Variants in ITM2B observed in about 807,000 individuals in gnomAD.
ITM2B encodes integral membrane protein 2B, also known as ABri/ADan amyloid peptide.
ITM2B carries 11 observed loss-of-function variants against 27.8 expected under a neutral mutation model. The ratio of observed to expected loss-of-function variants is 0.40; its 90% CI spans 0.25 to 0.66. The LOEUF (loss-of-function observed/expected upper bound fraction) is 0.66. Ranked by LOEUF, ITM2B falls within the 30% of genes least tolerant of loss-of-function variation. ITM2B has a pLI of 0.43. For missense variants in ITM2B, 296 were observed against 328.9 expected, an observed-to-expected ratio of 0.90 and a Z score of 0.77; for synonymous variants, 114 against 114.3, an observed-to-expected ratio of 1.00 and a Z score of 0.02.
intron 1 of ITM2B, among the ~76,000 whole-genome samples, chr13:48,250,193 T>C (rs1951746478): frequency 6.6e-6 from 1 of 152,346 alleles, no homozygotes; most frequent in Non-Finnish European, 1.5e-5. Context: ...AGGCTACTGC[T>C]CTTGCTAAAT....
intron 1 of ITM2B, among the ~76,000 whole-genome samples, chr13:48,238,906 C>T (rs1161841832): frequency 6.6e-6 from 1 of 152,036 alleles, no homozygotes; most frequent in Non-Finnish European, 1.5e-5. Flanking sequence ...AGTCAAGATG[C>T]AAATTATTTT....
intron 1 of ITM2B, among the ~76,000 whole-genome samples, chr13:48,239,993 G>A (rs1189251331): frequency 6.6e-6 from 1 of 152,194 alleles, no homozygotes; most frequent in African/African-American, 2.4e-5. Flanking sequence ...TATTCAGGAA[G>A]CAGCAGCACT....
At chr13:48,248,051 A>G (rs1424263648) in intron 1 of ITM2B, among the ~76,000 whole-genome samples, 1 of 152,156 alleles carries the variant, frequency 6.6e-6, no homozygotes, top group Non-Finnish European at 1.5e-5. Context: ...GTAAAGTTAT[A>G]TACCCCAGTG....
chr13:48,263,401 T>C lies in ITM2B; in HGVS notation c.*2177T>C, dbSNP rs1001408307. ...ATTCATTCTAGGGCTGAATGAATAA[T>C]GTGCCCTTTGAACCCTTGTGCCATG... On this transcript the variant is annotated 3_prime_UTR_variant, in exon 6 of 6. Coordinates refer to ENST00000647800, the MANE Select transcript of ITM2B (RefSeq NM_021999.5). 2.6e-5 allele frequency: 4 copies of C among 152,128 alleles called. No individual in the cohort carries two copies. Among genetic ancestry groups the C allele is most frequent in the African/African-American group, 9.7e-5 (4 of 41,422 alleles). 9.4% of individuals were successfully genotyped at this position (152,128 alleles called of 1,614,324 possible).
intron 2 of ITM2B, among the ~76,000 whole-genome samples, chr13:48,254,594 TTTGAAGGGGAAA>T (rs1340245876): frequency 4.6e-5 from 7 of 152,168 alleles, no homozygotes; most frequent in Non-Finnish European, 1.0e-4. Context: ...TTTTAGGAGT[TTTGAAGGGGAAA>T]TTACTTTCAA....
At chr13:48,256,413 A>G in intron 3 of ITM2B, 30 bp downstream of exon 3, 1 of 1,478,178 alleles carries the variant, frequency 6.8e-7, no homozygotes, top group Non-Finnish European at 9.5e-7. Flanking sequence ...TTGTAGAAAG[A>G]ATGCAGGTTC....
chr13:48,238,758 C>CT (rs1196842028), intron 1 of ITM2B, among the ~76,000 whole-genome samples: 1 of 152,036 alleles, frequency 6.6e-6, no homozygotes, highest in Non-Finnish European at 1.5e-5. Flanking sequence ...GAATTTCATA[C>CT]TTTAAAAAAC....
At chr13:48,259,156 A>G (rs984798044) in intron 5 of ITM2B, among the ~76,000 whole-genome samples, 1 of 152,188 alleles carries the variant, frequency 6.6e-6, no homozygotes, top group Non-Finnish European at 1.5e-5. Flanking sequence ...GTCAATGTGA[A>G]ATGTCATTGC....
intron 1 of ITM2B, among the ~76,000 whole-genome samples, chr13:48,247,535 A>G (rs562335628): frequency 5.3e-5 from 8 of 152,330 alleles, no homozygotes; most frequent in African/African-American, 1.9e-4. Flanking sequence ...GAGGTGCCTA[A>G]GAATATAAAG....
chr13:48,237,490 G>A (rs1238786834), intron 1 of ITM2B, among the ~76,000 whole-genome samples: 2 of 152,168 alleles, frequency 1.3e-5, no homozygotes, highest in Non-Finnish European at 2.9e-5. Flanking sequence ...TTCCCAACTA[G>A]ACAGAAATGA....
intron 1 of ITM2B, among the ~76,000 whole-genome samples, chr13:48,248,027 T>A (rs994346043): frequency 2.6e-5 from 4 of 152,156 alleles, no homozygotes; most frequent in African/African-American, 7.2e-5. Context: ...GTGACTTGTT[T>A]TAAATTAGGC....
At position 48,261,306 on chromosome 13, in the gene ITM2B, T is replaced by A; in HGVS notation, c.*82T>A. 2 of 970,352 alleles carry A rather than the reference T, an allele frequency of 2.1e-6. No homozygotes were observed. The highest frequency in any genetic ancestry group is 1.6e-5 in the African/African-American group (1 of 62,354). The allele number at this position is 970,352 out of a possible 1,614,324, so 60.1% of individuals were successfully genotyped here. A position where few individuals can be genotyped will look rare whatever the true frequency, so the allele number is the denominator to read the frequency against. On this transcript the variant is annotated 3_prime_UTR_variant, in exon 6 of 6. Transcript: ENST00000647800. ...TACATTTTGTGCAGTGATTATTTTTTAAAGTCTTCTTTCATGTAAGTAGCA... is the reference window on the plus strand; with the variant it reads ...TACATTTTGTGCAGTGATTATTTTTAAAAGTCTTCTTTCATGTAAGTAGCA...
At chr13:48,246,192 T>C (rs543364136) in intron 1 of ITM2B, among the ~76,000 whole-genome samples, 18 of 152,322 alleles carry the variant, frequency 1.2e-4, no homozygotes, top group Non-Finnish European at 2.1e-4. Context: ...AAATACTAAT[T>C]TAACTTAACT....
Position 48,264,554 on chromosome 13 carries a change from A to C in ITM2B, c.*3330A>C, listed in dbSNP as rs1206323730. 4 of 152,208 alleles carry C rather than the reference A, an allele frequency of 2.6e-5. No individual in the cohort carries two copies. Among genetic ancestry groups the C allele is most frequent in the Admixed American group, 6.6e-5 (1 of 15,266 alleles). 9.4% of individuals were successfully genotyped at this position (152,208 alleles called of 1,614,324 possible). The stretch of plus-strand genomic sequence containing the variant: ...GTGAACATTTAGTAGTTTACTAGAC[A>C]TCTTCTCTTCCACCTAGCAAAGAGT... On this transcript the variant is annotated 3_prime_UTR_variant, in exon 6 of 6. Transcript: ENST00000647800.
At chr13:48,238,852 TAAG>T (rs987141479) in intron 1 of ITM2B, among the ~76,000 whole-genome samples, 20 of 152,152 alleles carry the variant, frequency 1.3e-4, no homozygotes, top group African/African-American at 4.3e-4. Flanking sequence ...GCAAGTTTAT[TAAG>T]AAAGTAAAGG....
At chr13:48,246,103 CCT>C (rs1951723053) in intron 1 of ITM2B, among the ~76,000 whole-genome samples, 1 of 152,118 alleles carries the variant, frequency 6.6e-6, no homozygotes, top group South Asian at 2.1e-4. Context: ...AAAGCCTTCC[CCT>C]GTTCGAATTC....
At chr13:48,239,564 G>A (rs904521383) in intron 1 of ITM2B, among the ~76,000 whole-genome samples, 1 of 152,192 alleles carries the variant, frequency 6.6e-6, no homozygotes. Flanking sequence ...TCTGGGAGAT[G>A]GAGGCTGCAG....
intron 2 of ITM2B, among the ~76,000 whole-genome samples, chr13:48,255,605 T>C (rs1951782672): frequency 6.6e-6 from 1 of 152,214 alleles, no homozygotes. Flanking sequence ...CCCGACCTTA[T>C]GTACTGTTTT....
rs1426668427 is a variant in ITM2B, at chr13:48,268,690, T to G, written c.*7466T>G. ...TTCATTGTTTCCAAGTTGGGAAGTA[T>G]GAATAAAGTTGCTATGAACATGCAT... On this transcript the variant is annotated 3_prime_UTR_variant, in exon 6 of 6. Coordinates refer to ENST00000647800, the MANE Select transcript of ITM2B (RefSeq NM_021999.5). 1.3e-5 allele frequency: 2 copies of G among 152,180 alleles called. No individual in the cohort carries two copies. The highest frequency in any genetic ancestry group is 2.4e-5 in the African/African-American group (1 of 41,448). 9.4% of individuals were successfully genotyped at this position (152,180 alleles called of 1,614,324 possible). A position where few individuals can be genotyped will look rare whatever the true frequency, so the allele number is the denominator to read the frequency against.
Sources: allele counts gnomAD v4.1 joint callset (sites outside exome capture counted in the v4.1 genomes callset), GRCh38; gene constraint gnomAD v4.1.1; transcripts MANE v1.5; gene names NCBI Gene and HGNC (gene_info 2026-07-23, HGNC 2026-07-21).